Variants in ZEB1 observed in about 807,000 individuals in gnomAD.
The protein encoded by ZEB1 is zinc finger E-box-binding homeobox 1.
In ZEB1, 21 loss-of-function variants were observed where a neutral mutation model predicts 84.9. The ratio of observed to expected loss-of-function variants is 0.25; its 90% CI spans 0.18 to 0.36. The LOEUF (loss-of-function observed/expected upper bound fraction) is 0.36, where lower values mean the gene tolerates loss of function less well. Ranked by LOEUF, ZEB1 falls within the 10% of genes least tolerant of loss-of-function variation. The pLI, the probability that ZEB1 is intolerant of heterozygous loss-of-function variation, is 1.00. For missense variants in ZEB1, 1,104 were observed against 1,330.2 expected (o/e 0.83, Z 2.65); for synonymous variants, 420 against 471.1 (o/e 0.89, Z 1.41).
chr10:31,473,120 CTG>C (rs1365273097), intron 2 of ZEB1, among the ~76,000 whole-genome samples: 1 of 150,172 alleles, frequency 6.7e-6, no homozygotes, highest in African/African-American at 2.5e-5. Flanking sequence ...TGGGCAAAAA[CTG>C]GAAGCATTCC....
At chr10:31,414,840 T>C (rs2054932856) in intron 1 of ZEB1, among the ~76,000 whole-genome samples, 1 of 152,196 alleles carries the variant, frequency 6.6e-6, no homozygotes, top group Non-Finnish European at 1.5e-5. Flanking sequence ...TGGTTATAAA[T>C]AGCATTATAA....
intron 1 of ZEB1, among the ~76,000 whole-genome samples, chr10:31,450,960 T>A (rs959141499): frequency 6.6e-6 from 1 of 152,100 alleles, no homozygotes; most frequent in Non-Finnish European, 1.5e-5. Context: ...AGATTTTAAT[T>A]ATTATGTTGA....
intron 2 of ZEB1, among the ~76,000 whole-genome samples, chr10:31,466,006 T>A (rs533362192): frequency 9.9e-5 from 15 of 152,228 alleles, no homozygotes; most frequent in African/African-American, 3.4e-4. Context: ...AAAATAAATT[T>A]TAAGTAAAAA....
At chr10:31,477,882 T>G (rs1040993074) in intron 2 of ZEB1, among the ~76,000 whole-genome samples, 2 of 151,860 alleles carry the variant, frequency 1.3e-5, no homozygotes, top group Non-Finnish European at 2.9e-5. Flanking sequence ...TAAAGACCCA[T>G]AAATGTAAGA....
upstream of ZEB1, chr10:31,318,739 TC>T (rs901168858): frequency 2.9e-5 from 5 of 170,232 alleles, no homozygotes; most frequent in African/African-American, 1.2e-4. Context: ...TAGCCCTGCC[TC>T]CAGGAAGCAG....
intron 1 of ZEB1, among the ~76,000 whole-genome samples, chr10:31,447,271 A>G (rs537713906): frequency 4.0e-5 from 6 of 149,398 alleles, no homozygotes; most frequent in African/African-American, 1.2e-4. Flanking sequence ...TGCTTGGTAG[A>G]TCTTCCTCCA....
chr10:31,374,719 AATAT>A (rs2046301152), intron 1 of ZEB1: 1 of 151,864 alleles, frequency 6.6e-6, no homozygotes, highest in Non-Finnish European at 1.5e-5. Flanking sequence ...TAATTCTATT[AATAT>A]CTGCTAAGCT....
Position 31,346,060 on chromosome 10 carries a change from A to G in ZEB1, c.58+26768A>G, listed in dbSNP as rs529462335. Among the ~76,000 whole-genome samples the G allele has an allele frequency of 4.6e-5, 7 of 152,310 alleles. No homozygotes were observed. The East Asian group carries it at 9.6e-4, about 21-fold the overall frequency. ...CAAGAGCTAGTTTGAAGCAGAAGCTACGATTTTCTTACTGTGTCCAGTTGT... is the reference window on the plus strand; with the variant it reads ...CAAGAGCTAGTTTGAAGCAGAAGCTGCGATTTTCTTACTGTGTCCAGTTGT... On this transcript the variant is annotated intron_variant, in intron 1 of 8. Coordinates refer to ENST00000424869, the MANE Select transcript of ZEB1 (RefSeq NM_001174096.2).
intron 1 of ZEB1, among the ~76,000 whole-genome samples, chr10:31,391,862 G>T (rs936288251): frequency 6.6e-6 from 1 of 152,074 alleles, no homozygotes; most frequent in Non-Finnish European, 1.5e-5. Flanking sequence ...TTTTACTGGG[G>T]AGAATGTCCA....
chr10:31,330,552 G>T (rs1202628548), intron 1 of ZEB1, among the ~76,000 whole-genome samples: 2 of 152,124 alleles, frequency 1.3e-5, no homozygotes, highest in Non-Finnish European at 2.9e-5. Flanking sequence ...TCATTTTCAT[G>T]TTCCGTAGCT....
rs748931923 is a variant in ZEB1, at chr10:31,520,492, C to T, written c.1160C>T (p.Ser387Phe). ...TGGGPLQATSSPQGMVQAVVL... is the reference protein window; with the variant it reads ...TGGGPLQATSFPQGMVQAVVL... ...GGTGGCCCATTACAGGCAACCAGTT[C>T]TCCTCAGGGCATGGTGCAAGCTGTT... The change falls in exon 7 of 9, where the codon TCT becomes TTT. Residue 387 changes from serine to phenylalanine, a missense_variant. Ser to Phe is a radical substitution (Grantham distance 155). Coordinates refer to ENST00000424869, the MANE Select transcript of ZEB1 (RefSeq NM_001174096.2). This position sits in a 1 kb window ranked among gnomAD's most constrained non-coding sequence, Gnocchi z 5.1. 2 of 1,613,902 alleles carry T rather than the reference C, an allele frequency of 1.2e-6. No homozygotes were observed. The highest frequency in any genetic ancestry group is 1.7e-6 in the Non-Finnish European group (2 of 1,179,834).
chr10:31,392,552 A>C (rs2135271454), intron 1 of ZEB1, among the ~76,000 whole-genome samples: 1 of 152,212 alleles, frequency 6.6e-6, no homozygotes, highest in East Asian at 1.9e-4. Flanking sequence ...TAAGTAAGCA[A>C]GTTCTGTATT....
At chr10:31,322,485 A>G (rs1235066905) in intron 1 of ZEB1, among the ~76,000 whole-genome samples, 9 of 152,208 alleles carry the variant, frequency 5.9e-5, no homozygotes, top group African/African-American at 4.8e-5. Flanking sequence ...AAATATTTTA[A>G]TTTCCTTTCT....
chr10:31,412,278 T>C (rs527339601), intron 1 of ZEB1, among the ~76,000 whole-genome samples: 1 of 152,328 alleles, frequency 6.6e-6, no homozygotes, highest in East Asian at 1.9e-4. Context: ...TTTATTATTA[T>C]ACTTTAAGTT....
rs769502129 is a variant in ZEB1 at position 31,521,720 on chromosome 10, A to G, written c.2388A>G (p.Pro796=). 3 of 1,614,152 alleles carry G rather than the reference A, an allele frequency of 1.9e-6. No individual in the cohort carries two copies. In the South Asian group the frequency reaches 3.3e-5, roughly 18 times the overall value. ...DSEPVVNVIP[P]SANPINIAIP... is the part of the protein sequence containing the mutation. ...AACCAGTTGTAAATGTAATCCCACC[A>G]AGTGCCAACCCCATAAATATCGCTA... is the stretch of plus-strand genomic sequence containing the variant. The change falls in exon 7 of 9, where the codon CCA becomes CCG. Residue 796 remains proline (P), a synonymous_variant. Transcript: ENST00000424869.
intron 1 of ZEB1, among the ~76,000 whole-genome samples, chr10:31,447,710 A>G (rs2059966688): frequency 6.6e-6 from 1 of 151,476 alleles, no homozygotes; most frequent in Admixed American, 6.6e-5. Flanking sequence ...CTGGGTTGAA[A>G]ATTCTTTTCT....
chr10:31,398,309 T>C (rs911715225), intron 1 of ZEB1, among the ~76,000 whole-genome samples: 2 of 152,126 alleles, frequency 1.3e-5, no homozygotes, highest in African/African-American at 4.8e-5. Flanking sequence ...ATTATATATA[T>C]TGGCTTCTTT....
chr10:31,509,437 T>C (rs568481672), intron 4 of ZEB1, among the ~76,000 whole-genome samples: 56 of 152,346 alleles, frequency 3.7e-4, no homozygotes, highest in South Asian at 1.2e-3. Flanking sequence ...CTGTCACTTT[T>C]CTGTTGAATT....
intron 2 of ZEB1, among the ~76,000 whole-genome samples, chr10:31,486,426 G>A (rs2065775530): frequency 6.6e-6 from 1 of 151,536 alleles, no homozygotes; most frequent in Admixed American, 6.6e-5. Flanking sequence ...ATTCTAATAG[G>A]TGTGTTTTCA....
Sources: allele counts gnomAD v4.1 joint callset (sites outside exome capture counted in the v4.1 genomes callset), GRCh38; gene constraint gnomAD v4.1.1; non-coding constraint Gnocchi (gnomAD v3.1); transcripts MANE v1.5; gene names NCBI Gene and HGNC (gene_info 2026-07-23, HGNC 2026-07-21).